Variants in CFAP20DC observed in about 807,000 individuals in gnomAD.
CFAP20DC encodes the protein CFAP20 domain containing.
In CFAP20DC, 84 loss-of-function variants were observed where a neutral mutation model predicts 101.7. The ratio of observed to expected loss-of-function variants is 0.83; its 90% CI spans 0.69 to 0.99. CFAP20DC has a LOEUF of 0.99. CFAP20DC is among the 50% of genes least tolerant of loss of function. The pLI, the probability that CFAP20DC is intolerant of heterozygous loss-of-function variation, is 0.00. For missense variants in CFAP20DC, 1,007 were observed against 970.3 expected, an observed-to-expected ratio of 1.04 and a Z score of -0.50; for synonymous variants, 359 against 351.2, an observed-to-expected ratio of 1.02 and a Z score of -0.25.
At chr3:58,903,075 G>A (rs2083288017) in intron 6 of CFAP20DC, among the ~76,000 whole-genome samples, 1 of 151,912 alleles carries the variant, frequency 6.6e-6, no homozygotes, top group East Asian at 1.9e-4. Context: ...TATATGATTT[G>A]CAAATATTTT....
rs935426376 is a variant in CFAP20DC, at chr3:58,913,937, G to C, written c.394-73C>G. 2 of 1,494,224 alleles carry C rather than the reference G, an allele frequency of 1.3e-6. No individual in the cohort carries two copies. Among genetic ancestry groups the C allele is most frequent in the African/African-American group, 2.8e-5 (2 of 72,224 alleles). 92.6% of individuals were successfully genotyped at this position (1,494,224 alleles called of 1,614,324 possible). Reference sequence around the variant, plus strand: ...TAAATGAACAAACCATCTATATGTAGACATTCAAAGAGTTGAGGCAGTTAT... The same window carrying C: ...TAAATGAACAAACCATCTATATGTACACATTCAAAGAGTTGAGGCAGTTAT... On this transcript the variant is annotated intron_variant, in intron 5 of 16. Transcript: ENST00000482387. The surrounding 1 kb of genome is among the most constrained non-coding windows in gnomAD (Gnocchi z 4.4).
chr3:58,948,619 T>C (rs2089677116), intron 4 of CFAP20DC, among the ~76,000 whole-genome samples: 2 of 152,210 alleles, frequency 1.3e-5, no homozygotes, highest in South Asian at 2.1e-4. Context: ...TGAACCAGCC[T>C]TGCATCCCAG....
intron 15 of CFAP20DC, among the ~76,000 whole-genome samples, chr3:58,768,808 C>G (rs1198632088): frequency 6.6e-6 from 1 of 152,172 alleles, no homozygotes. Flanking sequence ...TTACAATGGC[C>G]TAGTTGACTC....
intron 15 of CFAP20DC, among the ~76,000 whole-genome samples, chr3:58,782,214 T>G (rs1009965929): frequency 6.6e-6 from 1 of 151,916 alleles, no homozygotes; most frequent in Non-Finnish European, 1.5e-5. Context: ...GATGCAGAAG[T>G]AGCATTTGAC....
At chr3:58,798,532 A>T (rs774255431) in intron 15 of CFAP20DC, among the ~76,000 whole-genome samples, 8 of 152,254 alleles carry the variant, frequency 5.3e-5, no homozygotes, top group Non-Finnish European at 1.2e-4. Flanking sequence ...TGTAAACACT[A>T]GTTGTAATGA....
At chr3:58,982,163 A>G (rs1339570348) in intron 4 of CFAP20DC, among the ~76,000 whole-genome samples, 1 of 152,182 alleles carries the variant, frequency 6.6e-6, no homozygotes, top group Non-Finnish European at 1.5e-5. Context: ...ATGAGATACC[A>G]CCTCACACCA....
intron 15 of CFAP20DC, among the ~76,000 whole-genome samples, chr3:58,760,102 C>T (rs565232184): frequency 4.1e-4 from 62 of 152,178 alleles, no homozygotes; most frequent in African/African-American, 1.3e-3. Context: ...GGGGATGGCA[C>T]TGAATCTATA....
At chr3:58,849,908 T>C (rs1398832332) in intron 12 of CFAP20DC, among the ~76,000 whole-genome samples, 1 of 152,194 alleles carries the variant, frequency 6.6e-6, no homozygotes, top group Non-Finnish European at 1.5e-5. Flanking sequence ...AGGGCAGTTT[T>C]GTTTTTCAAG....
At chr3:58,718,484 A>C (rs2067426536) in intron 3 of CFAP20DC, among the ~76,000 whole-genome samples, 1 of 151,822 alleles carries the variant, frequency 6.6e-6, no homozygotes, top group African/African-American at 2.4e-5. Context: ...TCCTCTGTCC[A>C]CTCTGGGGCA....
chr3:58,853,814 A>G (rs982130806), intron 12 of CFAP20DC, among the ~76,000 whole-genome samples: 1 of 152,188 alleles, frequency 6.6e-6, no homozygotes, highest in African/African-American at 2.4e-5. Flanking sequence ...TCAATAAATT[A>G]GGTATTGATG....
intron 7 of CFAP20DC, 137 bp downstream of exon 7, chr3:58,884,408 T>C: frequency 1.4e-6 from 1 of 693,392 alleles, no homozygotes; most frequent in Non-Finnish European, 2.4e-6. Flanking sequence ...GCCCCTGGCG[T>C]GGTATGTGGC....
intron 3 of CFAP20DC, among the ~76,000 whole-genome samples, chr3:59,041,444 A>G (rs138195609): frequency 1.2e-4 from 18 of 152,274 alleles, no homozygotes; most frequent in Non-Finnish European, 2.1e-4. Flanking sequence ...AAGTACTTTA[A>G]TAACATTTGA....
At chr3:59,045,536 A>C (rs1295967899) in intron 3 of CFAP20DC, among the ~76,000 whole-genome samples, 1 of 152,142 alleles carries the variant, frequency 6.6e-6, no homozygotes, top group Non-Finnish European at 1.5e-5. Flanking sequence ...CAGAGCCTTG[A>C]ATTGTAACCC....
At chr3:58,858,001 G>C (rs116526769) in intron 12 of CFAP20DC, among the ~76,000 whole-genome samples, 98 of 152,216 alleles carry the variant, frequency 6.4e-4, no homozygotes, top group African/African-American at 2.4e-3. Context: ...TGAGAAGTTA[G>C]TGTATCATGA....
At chr3:58,891,282 C>T (rs1427386222) in intron 6 of CFAP20DC, among the ~76,000 whole-genome samples, 2 of 151,600 alleles carry the variant, frequency 1.3e-5, no homozygotes, top group African/African-American at 2.4e-5. Context: ...GGCGTGGCGG[C>T]GCGTGCCTGC....
intron 4 of CFAP20DC, among the ~76,000 whole-genome samples, chr3:58,947,512 A>G (rs2089518403): frequency 6.6e-6 from 1 of 152,230 alleles, no homozygotes; most frequent in Non-Finnish European, 1.5e-5. Context: ...GAACTTACCC[A>G]TTAAATCTGG....
At chr3:58,811,636 T>C (rs143033306) in intron 14 of CFAP20DC, among the ~76,000 whole-genome samples, 18,241 of 152,022 alleles carry the variant, frequency 0.12, 2,000 homozygotes, top group East Asian at 0.35. Flanking sequence ...ATTCAGGACA[T>C]AGGCATGGGC....
At chr3:58,923,064 A>G (rs1321719965) in intron 5 of CFAP20DC, among the ~76,000 whole-genome samples, 1 of 151,938 alleles carries the variant, frequency 6.6e-6, no homozygotes, top group Non-Finnish European at 1.5e-5. Context: ...GTGCCACCAC[A>G]CCTGGCTAAT....
intron 16 of CFAP20DC, among the ~76,000 whole-genome samples, chr3:58,746,496 T>A (rs1367711780): frequency 6.6e-6 from 1 of 152,180 alleles, no homozygotes; most frequent in African/African-American, 2.4e-5. Context: ...TCTTTCAAGA[T>A]GAAAACAACC....
Sources: allele counts gnomAD v4.1 joint callset (sites outside exome capture counted in the v4.1 genomes callset), GRCh38; gene constraint gnomAD v4.1.1; non-coding constraint Gnocchi (gnomAD v3.1); transcripts MANE v1.5; gene names NCBI Gene and HGNC (gene_info 2026-07-23, HGNC 2026-07-21).